Variants in CDK12 observed in about 807,000 individuals in gnomAD.
CDK12 encodes cyclin dependent kinase 12, also known as cyclin-dependent kinase 12.
In CDK12, 17 loss-of-function variants were observed where a neutral mutation model predicts 133.8. That is an observed-to-expected ratio of 0.13 (90% CI 0.09 to 0.19). The LOEUF (loss-of-function observed/expected upper bound fraction) is 0.19. Ranked by LOEUF, CDK12 falls within the 10% of genes least tolerant of loss-of-function variation. The pLI, the probability that CDK12 is intolerant of heterozygous loss-of-function variation, is 1.00. For synonymous variants in CDK12, 694 were observed against 683.6 expected (o/e 1.02, Z -0.24); for missense variants, 1,508 against 1,818.7 (o/e 0.83, Z 3.11).
intron 13 of CDK12, 79 bp downstream of exon 13, chr17:39,526,395 C>T (rs968991365): frequency 9.0e-7 from 1 of 1,117,262 alleles, no homozygotes; most frequent in African/African-American, 1.6e-5. Flanking sequence ...ATTTTTTTTC[C>T]CCCACATCAA....
rs1265551180 is a variant in CDK12 at position 39,531,141 on chromosome 17, C to G, written c.4298C>G (p.Ala1433Gly). ...GGAAGCAGCAATTCTGTGGTACATG[C>G]AGAGACCAAATTGCAAAACTATGGG... ...AEGSSNSVVHAETKLQNYGEL... is the reference protein window; with the variant it reads ...AEGSSNSVVHGETKLQNYGEL... The change falls in exon 14 of 14, where the codon GCA (alanine) becomes GGA (glycine). Residue 1433 changes from alanine to glycine, a missense_variant. Around this residue, in one of 9 missense-constraint regions of CDK12, gnomAD observed 114 missense variants for 101.2 expected, o/e 1.13. Coordinates refer to ENST00000447079, the MANE Select transcript of CDK12 (RefSeq NM_016507.4). 1.3e-6 allele frequency: 2 copies of G among 1,539,994 alleles called. No individual in the cohort carries two copies. The highest frequency in any genetic ancestry group is 1.4e-5 in the African/African-American group (1 of 72,354).
At chr17:39,528,244 A>G (rs1390185369) in intron 13 of CDK12, among the ~76,000 whole-genome samples, 1 of 152,160 alleles carries the variant, frequency 6.6e-6, no homozygotes, top group African/African-American at 2.4e-5. Context: ...TTAAGGATTG[A>G]CAACATTGAT....
At chr17:39,513,139 G>T (rs961105737) in intron 8 of CDK12, among the ~76,000 whole-genome samples, 3 of 152,156 alleles carry the variant, frequency 2.0e-5, no homozygotes, top group African/African-American at 7.2e-5. Flanking sequence ...ACTGGAAAAT[G>T]ATATTTAGAA....
Position 39,531,675 on chromosome 17 carries a change from C to T in CDK12, c.*359C>T, listed in dbSNP as rs2054854091. 1 of 255,806 alleles carries T rather than the reference C, an allele frequency of 3.9e-6. No homozygotes were observed. The highest frequency in any genetic ancestry group is 5.7e-5 in the East Asian group (1 of 17,532). 15.8% of individuals were successfully genotyped at this position (255,806 alleles called of 1,614,324 possible). On this transcript the variant is annotated 3_prime_UTR_variant, in exon 14 of 14. Coordinates refer to ENST00000447079, the MANE Select transcript of CDK12 (RefSeq NM_016507.4). ...GAACAGTTTCAGTATTGAGATGGCTCAGGAGAGGCTCTTTGATTTTTAAAG... is the reference window on the plus strand; with the variant it reads ...GAACAGTTTCAGTATTGAGATGGCTTAGGAGAGGCTCTTTGATTTTTAAAG...
intron 2 of CDK12, among the ~76,000 whole-genome samples, chr17:39,475,355 C>T (rs1444138329): frequency 6.6e-6 from 1 of 151,836 alleles, no homozygotes; most frequent in Non-Finnish European, 1.5e-5. Flanking sequence ...TACCTTTAGC[C>T]CTAGCTACTT....
chr17:39,534,717 T>A (rs1233686427), downstream of CDK12: 1 of 190,950 alleles, frequency 5.2e-6, no homozygotes, highest in Non-Finnish European at 1.1e-5. Flanking sequence ...AAGAGGTGCT[T>A]GAAAACGCTA....
downstream of CDK12, among the ~76,000 whole-genome samples, chr17:39,536,194 T>C (rs764990056): frequency 2.7e-4 from 41 of 152,132 alleles, no homozygotes; most frequent in Non-Finnish European, 4.7e-4. Context: ...CCACTTCTTT[T>C]CCCTATTTCT....
At chr17:39,544,132 A>G, upstream of CDK12, 1 of 461,880 alleles carries the variant, frequency 2.2e-6, no homozygotes, top group Non-Finnish European at 4.3e-6. Flanking sequence ...GAAGAGTGCT[A>G]ACATCACCGT....
chr17:39,495,108 T>C (rs1382805379), intron 5 of CDK12, among the ~76,000 whole-genome samples: 1 of 152,030 alleles, frequency 6.6e-6, no homozygotes, highest in African/African-American at 2.4e-5. Context: ...TGAGACAGTC[T>C]CGCACTGTCG....
intron 3 of CDK12, among the ~76,000 whole-genome samples, chr17:39,564,576 A>C (rs2056506934): frequency 6.6e-6 from 1 of 152,160 alleles, no homozygotes; most frequent in Non-Finnish European, 1.5e-5. Flanking sequence ...CTCTATATTC[A>C]GTCAAAGGAG....
chr17:39,491,257 A>G (rs1420437214), intron 3 of CDK12, among the ~76,000 whole-genome samples: 1 of 152,142 alleles, frequency 6.6e-6, no homozygotes, highest in Non-Finnish European at 1.5e-5. Context: ...CATTTTTGAG[A>G]CAGAGTTGCG....
chr17:39,480,684 A>T (rs927514940), intron 2 of CDK12, among the ~76,000 whole-genome samples: 1 of 152,012 alleles, frequency 6.6e-6, no homozygotes, highest in Non-Finnish European at 1.5e-5. Flanking sequence ...TGGCCTCCCA[A>T]AGTGCTGGGA....
chr17:39,499,868 G>A (rs972762946), intron 5 of CDK12, among the ~76,000 whole-genome samples: 8 of 152,072 alleles, frequency 5.3e-5, no homozygotes, highest in African/African-American at 1.9e-4. Flanking sequence ...TGTCCCTGGC[G>A]TATTGAGTCC....
At chr17:39,506,212 A>ATTTTTT (rs1177367409) in intron 6 of CDK12, among the ~76,000 whole-genome samples, 3 of 119,776 alleles carry the variant, frequency 2.5e-5, no homozygotes, top group African/African-American at 3.6e-5. Flanking sequence ...TGATTATATG[A>ATTTTTT]TTTTTTTTTT....
chr17:39,505,876 A>G (rs2053084382), intron 6 of CDK12, among the ~76,000 whole-genome samples: 2 of 152,192 alleles, frequency 1.3e-5, no homozygotes, highest in Admixed American at 6.6e-5. Flanking sequence ...CTTGGAACCA[A>G]TTGCTAGATA....
chr17:39,477,486 C>T (rs1447377697), intron 2 of CDK12, among the ~76,000 whole-genome samples: 4 of 151,888 alleles, frequency 2.6e-5, no homozygotes, highest in African/African-American at 9.7e-5. Context: ...GATCCACCCA[C>T]CTTGGCCTCC....
intron 7 of CDK12, among the ~76,000 whole-genome samples, chr17:39,511,059 C>T (rs923984194): frequency 1.3e-5 from 2 of 148,648 alleles, no homozygotes; most frequent in Non-Finnish European, 3.0e-5. Context: ...ACTAAAAATA[C>T]AAAAAATTAG....
At chr17:39,463,284 T>C (rs2049074645) in intron 1 of CDK12, among the ~76,000 whole-genome samples, 167 bp downstream of exon 1, 1 of 152,172 alleles carries the variant, frequency 6.6e-6, no homozygotes, top group Admixed American at 6.5e-5. Context: ...TAACCCAGAA[T>C]TCGAGAAGTG....
Position 39,531,619 on chromosome 17 carries a change from T to G in CDK12, c.*303T>G. On this transcript the variant is annotated 3_prime_UTR_variant, in exon 14 of 14. Coordinates refer to ENST00000447079, the MANE Select transcript of CDK12 (RefSeq NM_016507.4). ...GAAAAGTAAATGTTTTATTAGTTCA[T>G]TGCCTGCACTTACTGATCGGAAGAG... is the stretch of plus-strand genomic sequence containing the variant. 2 of 301,564 alleles carry G rather than the reference T, an allele frequency of 6.6e-6. No individual in the cohort carries two copies. 18.7% of individuals were successfully genotyped at this position (301,564 alleles called of 1,614,324 possible).
Sources: allele counts gnomAD v4.1 joint callset (sites outside exome capture counted in the v4.1 genomes callset), GRCh38; gene constraint gnomAD v4.1.1; regional missense constraint gnomAD v4.1.1; transcripts MANE v1.5; gene names NCBI Gene and HGNC (gene_info 2026-07-23, HGNC 2026-07-21).